The following YIF1A variants were observed in gnomAD, a reference collection of about 807,000 sequenced individuals.
YIF1A encodes the protein protein YIF1A.
Under a neutral mutation model 32.6 loss-of-function variants are expected in YIF1A, and 28 were observed. The observed-to-expected ratio is 0.86, with a 90% confidence interval of 0.64 to 1.18. The LOEUF is 1.18. Among genes scored for constraint, YIF1A ranks in the 50% most tolerant of loss-of-function variants. The probability of loss-of-function intolerance (pLI) is 0.00; values close to 1 mark genes in which losing one functional copy is unlikely to be tolerated. For missense variants in YIF1A, 373 were observed against 390.8 expected (o/e 0.95, Z 0.38); for synonymous variants, 175 against 162.2 (o/e 1.08, Z -0.60).
chr11:66,287,770 A>G lies in YIF1A; in HGVS notation c.348+42T>C, dbSNP rs781183869. 6.2e-6 allele frequency: 10 copies of G among 1,611,018 alleles called. No homozygotes were observed. In the East Asian group the frequency reaches 2.0e-4, roughly 32 times the overall value. Reference sequence around the variant, plus strand: ...TGAGGTCTGGGGGCCAGACTCGGGCAGAATGAGGAAGGCCCACCAGCTCCC... The same window carrying G: ...TGAGGTCTGGGGGCCAGACTCGGGCGGAATGAGGAAGGCCCACCAGCTCCC... On this transcript the variant is annotated intron_variant, in intron 3 of 7. Transcript: ENST00000376901.
intron 3 of YIF1A, 48 bp from the exon 4 acceptor site, chr11:66,287,724 GAA>G: frequency 1.9e-6 from 3 of 1,610,850 alleles, no homozygotes; most frequent in Non-Finnish European, 2.5e-6. Flanking sequence ...GGGAAGAAGA[GAA>G]AAGAGGAGAG....
In YIF1A at chr11:66,285,740, T is replaced by C; in HGVS notation, c.446A>G (p.Tyr149Cys). 6.2e-7 allele frequency: 1 copy of C among 1,613,196 alleles called. No homozygotes were observed. Among genetic ancestry groups the C allele is most frequent in the Non-Finnish European group, 8.5e-7 (1 of 1,179,920 alleles). The change falls in exon 5 of 8, where the codon TAC becomes TGC. Residue 149 changes from tyrosine (Y) to cysteine (C), a missense_variant. Coordinates refer to ENST00000376901, the MANE Select transcript of YIF1A (RefSeq NM_020470.3). ...LYIPTMAFIT[Y>C]VLLAGMALGI... ...CAGTGCCATCCCAGCCAGGAGCACGTAAGTAATGAAGGCCATCGCTGCCAA... is the reference window on the plus strand; with the variant it reads ...CAGTGCCATCCCAGCCAGGAGCACGCAAGTAATGAAGGCCATCGCTGCCAA...
At chr11:66,287,711 G>A (rs754366602) in intron 3 of YIF1A, 35 bp from the exon 4 acceptor site, 3 of 1,611,212 alleles carry the variant, frequency 1.9e-6, no homozygotes, top group African/African-American at 1.3e-5. Flanking sequence ...GCCACATCAG[G>A]AGGGGAAGAA....
chr11:66,288,025 G>C (rs770839069), intron 2 of YIF1A, 56 bp downstream of exon 2: 2 of 1,608,470 alleles, frequency 1.2e-6, no homozygotes, highest in Non-Finnish European at 8.5e-7. Context: ...GGAATCCCAT[G>C]ATGCCCCAGC....
rs375960404 is a variant in YIF1A at position 66,288,149 on chromosome 11, T to C, written c.175A>G (p.Met59Val). The change falls in exon 2 of 8, where the codon ATG becomes GTG. Residue 59 changes from methionine to valine, a missense_variant. By Grantham distance (21) the Met-to-Val change is conservative. Coordinates refer to ENST00000376901, the MANE Select transcript of YIF1A (RefSeq NM_020470.3). ...CCATAGGCCATAGCCACATTGGCCA[T>C]TGGGTCCCCAAGCAAGTGGTTGACA... is the stretch of plus-strand genomic sequence containing the variant. ...FSVNHLLGDPMANVAMAYGSS... is the reference protein window; with the variant it reads ...FSVNHLLGDPVANVAMAYGSS... 3.8e-5 allele frequency: 61 copies of C among 1,614,030 alleles called. No homozygotes were observed. Among genetic ancestry groups the C allele is most frequent in the African/African-American group, 2.4e-4 (18 of 74,936 alleles).
chr11:66,288,311 C>T lies in YIF1A; in HGVS notation c.32-19G>A, dbSNP rs759896169. ...TTGGAGCCTGTGGGTTTGGAGGTAT[C>T]AGAGTAGATGACAGAAATACCAAGC... is the stretch of plus-strand genomic sequence containing the variant. On this transcript the variant is annotated intron_variant, in intron 1 of 7. Transcript: ENST00000376901. 1.1e-5 allele frequency: 17 copies of T among 1,613,712 alleles called. No homozygotes were observed. The South Asian group carries it at 1.9e-4, about 18-fold the overall frequency.
chr11:66,285,902 C>T, intron 4 of YIF1A, 144 bp from the exon 5 acceptor site: 1 of 926,292 alleles, frequency 1.1e-6, no homozygotes, highest in Non-Finnish European at 1.6e-6. Flanking sequence ...CTTCCAAATG[C>T]CCTGCCTGGA....
At chr11:66,285,121 T>C (rs1156770097) in intron 6 of YIF1A, 155 bp from the exon 7 acceptor site, 13 of 905,388 alleles carry the variant, frequency 1.4e-5, no homozygotes, top group Non-Finnish European at 2.2e-5. Context: ...CAAAGGGATA[T>C]GGAAGGCCCA....
chr11:66,288,108 G>T lies in YIF1A; in HGVS notation c.216C>A (p.Ser72=), dbSNP rs746731895. 1 of 1,613,886 alleles carries T rather than the reference G, an allele frequency of 6.2e-7. No homozygotes were observed. Among genetic ancestry groups the T allele is most frequent in the Non-Finnish European group, 8.5e-7 (1 of 1,179,996 alleles). Residue 72 remains serine, a synonymous_variant, in exon 2 of 8, where the codon TCC becomes TCA. Transcript: ENST00000376901. ...VAMAYGSSIA[S]HGKDMVHKEL... Reference sequence around the variant, plus strand: ...CCTTGTGCACCATGTCCTTCCCATGGGATGCGATGGAGCTGCCATAGGCCA... The same window carrying T: ...CCTTGTGCACCATGTCCTTCCCATGTGATGCGATGGAGCTGCCATAGGCCA...
At chr11:66,288,513 G>C (rs916296296) in intron 1 of YIF1A, among the ~76,000 whole-genome samples, 1 of 152,250 alleles carries the variant, frequency 6.6e-6, no homozygotes, top group African/African-American at 2.4e-5. Context: ...AGCTGAGGCA[G>C]CGCCTAGAAC....
rs781565242 is a variant in YIF1A, at chr11:66,288,065, C to CG, written c.243+15dup. ...GCCAAAAATTCTGCCACCCGTGCCC[C>CG]GGGGGCAGGCCACACCTCCTTGTGC... On this transcript the variant is annotated intron_variant, in intron 2 of 7. Coordinates refer to ENST00000376901, the MANE Select transcript of YIF1A (RefSeq NM_020470.3). The CG allele has an allele frequency of 1.7e-5, 27 of 1,611,740 alleles. No individual in the cohort carries two copies. Among genetic ancestry groups the CG allele is most frequent in the Middle Eastern group, 2.0e-4 (1 of 5,126 alleles).
intron 1 of YIF1A, 89 bp downstream of exon 1, chr11:66,288,866 C>A: frequency 7.2e-7 from 1 of 1,384,118 alleles, no homozygotes; most frequent in Non-Finnish European, 9.3e-7. Context: ...GGGCGGCGGT[C>A]CCAGTCGCTA....
At chr11:66,288,328 A>C (rs765205507) in intron 1 of YIF1A, 36 bp from the exon 2 acceptor site, 3 of 1,612,494 alleles carry the variant, frequency 1.9e-6, no homozygotes, top group Non-Finnish European at 2.5e-6. Context: ...GATGACAGAA[A>C]TACCAAGCAT....
rs780067175 is a variant in YIF1A, at chr11:66,284,945, C to G, written c.663G>C (p.Thr221=). The change falls in exon 7 of 8, where the codon ACG becomes ACC. Residue 221 remains threonine, a synonymous_variant. Coordinates refer to ENST00000376901, the MANE Select transcript of YIF1A (RefSeq NM_020470.3). ...KYVGMILSVL[T]GLLFGSDGYY... is the part of the protein sequence containing the mutation. ...AGCCATCGCTGCCGAACAGCAGCCC[C>G]GTGAGCACACTGAGGATCATTCTGG... 1.2e-5 allele frequency: 19 copies of G among 1,613,246 alleles called. No homozygotes were observed. The highest frequency in any genetic ancestry group is 1.6e-5 in the Non-Finnish European group (19 of 1,179,982).
At chr11:66,285,089 G>A in intron 6 of YIF1A, 123 bp from the exon 7 acceptor site, 12 of 1,064,966 alleles carry the variant, frequency 1.1e-5, no homozygotes, top group Non-Finnish European at 1.6e-5. Context: ...CTCTCAATCT[G>A]TCCCCACAGG....
At position 66,285,750 on chromosome 11, in the gene YIF1A, A is replaced by C. The variant is rs1240226585; in HGVS notation, c.436T>G (p.Phe146Val). 2 of 1,612,882 alleles carry C rather than the reference A, an allele frequency of 1.2e-6. No individual in the cohort carries two copies. The highest frequency in any genetic ancestry group is 1.3e-5 in the African/African-American group (1 of 75,030). Residue 146 changes from phenylalanine (F) to valine (V), a missense_variant, in exon 5 of 8, where the codon TTC (phenylalanine) becomes GTC (valine). By Grantham distance (50) the Phe-to-Val change is conservative. Transcript: ENST00000376901. ...APDLYIPTMAFITYVLLAGMA... is the reference protein window; with the variant it reads ...APDLYIPTMAVITYVLLAGMA... ...CCAGCCAGGAGCACGTAAGTAATGA[A>C]GGCCATCGCTGCCAAGTGCCAGAGA...
intron 4 of YIF1A, among the ~76,000 whole-genome samples, chr11:66,286,391 C>G (rs559645646): frequency 1.3e-4 from 20 of 152,324 alleles, no homozygotes; most frequent in African/African-American, 4.6e-4. Context: ...CTGAGGCAGG[C>G]AGCTCACTTG....
chr11:66,287,838 G>A lies in YIF1A; in HGVS notation c.322C>T (p.Leu108=), dbSNP rs1857385344. 2 of 1,614,068 alleles carry A rather than the reference G, an allele frequency of 1.2e-6. No individual in the cohort carries two copies. The highest frequency in any genetic ancestry group is 8.5e-7 in the Non-Finnish European group (1 of 1,180,002). ...TGGTGTGTGTAGGGGAAGACCAGCA[G>A]CCCTAGCTTCTTGGCCACGTAGGCT... ...DTAYVAKKLG[L]LVFPYTHQNW... is the part of the protein sequence containing the mutation. Residue 108 remains leucine (L), a synonymous_variant, in exon 3 of 8, where the codon CTG becomes TTG. Coordinates refer to ENST00000376901, the MANE Select transcript of YIF1A (RefSeq NM_020470.3).
chr11:66,287,987 TC>T (rs1282906381), intron 2 of YIF1A, 71 bp from the exon 3 acceptor site: 3 of 1,604,892 alleles, frequency 1.9e-6, no homozygotes, highest in Admixed American at 1.7e-5. Flanking sequence ...GTGTGCTCCA[TC>T]CCTGAGGGCA....
Sources: allele counts gnomAD v4.1 joint callset (sites outside exome capture counted in the v4.1 genomes callset), GRCh38; gene constraint gnomAD v4.1.1; transcripts MANE v1.5; gene names NCBI Gene and HGNC (gene_info 2026-07-23, HGNC 2026-07-21).